The following TMED3 variants were observed in gnomAD, a reference collection of about 807,000 sequenced individuals.
The protein encoded by TMED3 is transmembrane p24 trafficking protein 3.
A neutral mutation model predicts 15.0 loss-of-function variants in TMED3; 9 were observed. The ratio of observed to expected loss-of-function variants is 0.60; its 90% CI spans 0.36 to 1.04. TMED3 has a LOEUF of 1.04. Among genes scored for constraint, TMED3 ranks in the 50% least tolerant of loss-of-function variants. TMED3 has a pLI of 0.01. For missense variants in TMED3, 267 were observed against 278.9 expected, an observed-to-expected ratio of 0.96 and a Z score of 0.30; for synonymous variants, 117 against 121.4, an observed-to-expected ratio of 0.96 and a Z score of 0.24.
intron 2 of TMED3, among the ~76,000 whole-genome samples, chr15:79,395,934 T>A (rs1210415447): frequency 6.6e-6 from 1 of 152,258 alleles, no homozygotes; most frequent in Non-Finnish European, 1.5e-5. Context: ...GATCAGTTGT[T>A]GCTGATAAGT....
intron 2 of TMED3, among the ~76,000 whole-genome samples, chr15:79,394,146 G>C (rs552058425): frequency 7.9e-5 from 12 of 152,278 alleles, no homozygotes; most frequent in Non-Finnish European, 1.2e-4. Context: ...TGGGGAGTAG[G>C]GGGGTGGGTG....
intron 2 of TMED3, among the ~76,000 whole-genome samples, chr15:79,399,341 C>T (rs1893804315): frequency 6.6e-6 from 1 of 152,166 alleles, no homozygotes; most frequent in African/African-American, 2.4e-5. Flanking sequence ...TCTTGGTGTG[C>T]CCAGGACTGA....
chr15:79,348,998 C>T (rs2058881378), intron 2 of TMED3, among the ~76,000 whole-genome samples: 1 of 152,032 alleles, frequency 6.6e-6, no homozygotes, highest in African/African-American at 2.4e-5. Flanking sequence ...ACCACCATGC[C>T]CACTAGTTTT....
chr15:79,322,219 G>A lies in TMED3; in HGVS notation c.*5G>A, dbSNP rs115956541. 475 of 1,609,998 alleles carry A rather than the reference G, an allele frequency of 3.0e-4. 1 individual carries two copies. The African/African-American group carries it at 5.8e-3, about 20-fold the overall frequency. On this transcript the variant is annotated 3_prime_UTR_variant, in exon 3 of 3. Coordinates refer to ENST00000299705, the MANE Select transcript of TMED3 (RefSeq NM_007364.4). Reference sequence around the variant, plus strand: ...AGCAGGGCAGTCCACTCCTAGCCCCGGCATCCTGCTCTAGGGCCCCTCATG... The same window carrying A: ...AGCAGGGCAGTCCACTCCTAGCCCCAGCATCCTGCTCTAGGGCCCCTCATG...
At chr15:79,324,089 T>C (rs781133977), downstream of TMED3, among the ~76,000 whole-genome samples, 12 of 152,250 alleles carry the variant, frequency 7.9e-5, no homozygotes, top group South Asian at 6.2e-4. Flanking sequence ...CTCCTGGGTT[T>C]ACACCATTCT....
chr15:79,327,996 T>C (rs1310013782), intron 2 of TMED3, among the ~76,000 whole-genome samples: 1 of 152,204 alleles, frequency 6.6e-6, no homozygotes, highest in Non-Finnish European at 1.5e-5. Context: ...GTAAATATAA[T>C]ATAGTTATCA....
intron 2 of TMED3, among the ~76,000 whole-genome samples, chr15:79,318,334 T>C (rs189704064): frequency 1.3e-5 from 2 of 152,330 alleles, no homozygotes; most frequent in South Asian, 2.1e-4. Flanking sequence ...CTGGCTCTGA[T>C]TCTTAATTCC....
At chr15:79,347,919 A>AT (rs2058876926) in intron 2 of TMED3, among the ~76,000 whole-genome samples, 1 of 152,150 alleles carries the variant, frequency 6.6e-6, no homozygotes, top group East Asian at 1.9e-4. Context: ...TATACCCAAA[A>AT]AAGCATATCA....
At chr15:79,400,523 C>T (rs79546854) in intron 2 of TMED3, among the ~76,000 whole-genome samples, 3,449 of 152,158 alleles carry the variant, frequency 0.023, 134 homozygotes, top group African/African-American at 0.078. Context: ...ATGAACAATG[C>T]GAAAATGATA....
At chr15:79,398,287 A>C (rs771993260) in intron 2 of TMED3, among the ~76,000 whole-genome samples, 8 of 151,960 alleles carry the variant, frequency 5.3e-5, no homozygotes, top group Non-Finnish European at 1.0e-4. Context: ...TGCATTCAAG[A>C]TTCCTTCATG....
intron 2 of TMED3, among the ~76,000 whole-genome samples, 168 bp downstream of exon 2, chr15:79,314,173 C>T (rs967542215): frequency 6.6e-6 from 1 of 152,200 alleles, no homozygotes; most frequent in African/African-American, 2.4e-5. Flanking sequence ...GGATGCCATG[C>T]TCTTCTTTCG....
At chr15:79,349,628 C>T (rs1414417419) in intron 2 of TMED3, among the ~76,000 whole-genome samples, 1 of 152,226 alleles carries the variant, frequency 6.6e-6, no homozygotes, top group Non-Finnish European at 1.5e-5. Flanking sequence ...AATGCTTCTT[C>T]TGGGCACACA....
intron 2 of TMED3, among the ~76,000 whole-genome samples, chr15:79,348,927 G>C (rs553811798): frequency 3.3e-5 from 5 of 152,276 alleles, no homozygotes; most frequent in Non-Finnish European, 7.4e-5. Flanking sequence ...GAACTCCCAG[G>C]TGGGTGATCC....
At chr15:79,390,457 A>G (rs564526626) in intron 2 of TMED3, among the ~76,000 whole-genome samples, 13 of 152,230 alleles carry the variant, frequency 8.5e-5, no homozygotes, top group African/African-American at 3.1e-4. Context: ...ATCATGGTGG[A>G]TTATCTTTTT....
At chr15:79,371,107 C>G (rs565773708) in intron 2 of TMED3, among the ~76,000 whole-genome samples, 2 of 152,290 alleles carry the variant, frequency 1.3e-5, no homozygotes, top group South Asian at 4.1e-4. Flanking sequence ...AAGAATGTAT[C>G]TTTTAGTTTA....
rs769704607 is a variant in TMED3, at chr15:79,393,992, C to T, written c.418-17408C>T. The stretch of plus-strand genomic sequence containing the variant: ...GATTACATGCATGAGACACAGTGCC[C>T]GGCCCATTTAGACATTTCATATTCT... On this transcript the variant is annotated intron_variant, in intron 2 of 2. Transcript: ENST00000424155. Among the ~76,000 whole-genome samples the T allele has an allele frequency of 9.6e-4, 146 of 152,184 alleles. 1 individual carries two copies. Among genetic ancestry groups the T allele is most frequent in the Non-Finnish European group, 1.5e-3 (102 of 68,002 alleles).
At chr15:79,361,544 C>T (rs1042112851) in intron 2 of TMED3, among the ~76,000 whole-genome samples, 5 of 151,898 alleles carry the variant, frequency 3.3e-5, no homozygotes, top group African/African-American at 1.2e-4. Flanking sequence ...ACACAGTGGA[C>T]TTTTGGAACT....
intron 2 of TMED3, 55 bp from the exon 3 acceptor site, chr15:79,321,923 G>A: frequency 6.3e-7 from 1 of 1,581,460 alleles, no homozygotes; most frequent in Non-Finnish European, 8.6e-7. Flanking sequence ...CTGTTTGCTG[G>A]ATCCCACATT....
At chr15:79,367,592 C>A (rs1442633566) in intron 2 of TMED3, among the ~76,000 whole-genome samples, 5 of 152,172 alleles carry the variant, frequency 3.3e-5, no homozygotes, top group African/African-American at 7.2e-5. Context: ...GAAGTAAACC[C>A]CACCTGTTCC....
Sources: gnomAD v4.1 joint callset for allele counts (sites outside exome capture counted in the v4.1 genomes callset) on GRCh38, gnomAD v4.1.1 for gene constraint, MANE v1.5 for transcripts, NCBI Gene and HGNC (gene_info 2026-07-23, HGNC 2026-07-21) for gene names.